Variants in ADGRL3 observed in about 807,000 individuals in gnomAD.
ADGRL3 encodes calcium-independent alpha-latrotoxin receptor 3.
Under a neutral mutation model 153.5 loss-of-function variants are expected in ADGRL3, and 62 were observed. The observed-to-expected ratio is 0.40, with a 90% CI of 0.33 to 0.50. The LOEUF (loss-of-function observed/expected upper bound fraction) is 0.50. ADGRL3 is among the 20% of genes least tolerant of loss of function. The pLI, the probability that ADGRL3 is intolerant of heterozygous loss-of-function variation, is 0.47. For synonymous variants in ADGRL3, 710 were observed against 672.5 expected (o/e 1.06, Z -0.86); for missense variants, 1,641 against 1,859.4 (o/e 0.88, Z 2.16).
rs547086582 is a variant in ADGRL3 at position 61,767,516 on chromosome 4, C to T, written c.1399+33962C>T. Among the ~76,000 whole-genome samples the T allele has an allele frequency of 2.2e-3, 328 of 152,126 alleles. 9 individuals carry two copies. The highest frequency in any genetic ancestry group is 7.5e-3 in the African/African-American group (309 of 41,468). On this transcript the variant is annotated intron_variant, in intron 8 of 26. Transcript: ENST00000683033. ...TGAGAGTTACCCGAAGCTCGGCGTC[C>T]GTGATGGTCTAGGGGGCTTCCGAGG...
At chr4:61,948,373 T>C (rs2098933971) in intron 17 of ADGRL3, 97 bp downstream of exon 17, 1 of 831,308 alleles carries the variant, frequency 1.2e-6, no homozygotes, top group African/African-American at 1.7e-5. Flanking sequence ...TTTCAATGTT[T>C]TCCTACTTTC....
At chr4:61,373,975 A>C (rs1022647924) in intron 1 of ADGRL3, among the ~76,000 whole-genome samples, 2 of 152,196 alleles carry the variant, frequency 1.3e-5, no homozygotes, top group East Asian at 1.9e-4. Context: ...CAAAAGGCAG[A>C]GTAAAATACC....
chr4:61,901,221 C>T (rs1433710045), intron 11 of ADGRL3, among the ~76,000 whole-genome samples: 1 of 152,112 alleles, frequency 6.6e-6, no homozygotes, highest in Non-Finnish European at 1.5e-5. Flanking sequence ...TCTAACAAAC[C>T]AAAGTGTCTC....
At chr4:61,958,664 A>G (rs1004599816) in intron 17 of ADGRL3, among the ~76,000 whole-genome samples, 4 of 152,022 alleles carry the variant, frequency 2.6e-5, no homozygotes, top group Admixed American at 6.6e-5. Context: ...CTTTTAAACT[A>G]TCAAATCTCA....
chr4:61,928,712 A>G (rs954650800), intron 13 of ADGRL3, among the ~76,000 whole-genome samples: 3 of 152,122 alleles, frequency 2.0e-5, no homozygotes, highest in Non-Finnish European at 2.9e-5. Context: ...GAACTCTGTC[A>G]TCTTAACTTC....
In ADGRL3 at chr4:61,426,260, A is replaced by C. The variant is rs144035527; in HGVS notation, c.-174+43071A>C. Among the ~76,000 whole-genome samples, 83 of 152,356 alleles carry C rather than the reference A, an allele frequency of 5.4e-4. 1 individual carries two copies. The East Asian group carries it at 0.014, about 26-fold the overall frequency. ...TGGTAAACTGCCCATCTATTGGTGCAGATTGCCATAGGTGTCTCCTTCTTG... is the reference window on the plus strand; with the variant it reads ...TGGTAAACTGCCCATCTATTGGTGCCGATTGCCATAGGTGTCTCCTTCTTG... On this transcript the variant is annotated intron_variant, in intron 2 of 26. Coordinates refer to ENST00000683033, the MANE Select transcript of ADGRL3 (RefSeq NM_001387552.1).
At chr4:61,412,260 A>T (rs1212131252) in intron 2 of ADGRL3, among the ~76,000 whole-genome samples, 1 of 151,832 alleles carries the variant, frequency 6.6e-6, no homozygotes, top group Admixed American at 6.6e-5. Flanking sequence ...TTTTTAATAA[A>T]TTTTTTTCAT....
chr4:61,455,274 G>A (rs1250866559), intron 2 of ADGRL3, among the ~76,000 whole-genome samples: 9 of 152,148 alleles, frequency 5.9e-5, no homozygotes, highest in Non-Finnish European at 1.2e-4. Flanking sequence ...TAGCATCGAA[G>A]CAGTATGACT....
At chr4:61,841,278 T>G (rs950407756) in intron 9 of ADGRL3, among the ~76,000 whole-genome samples, 3 of 151,334 alleles carry the variant, frequency 2.0e-5, no homozygotes, top group African/African-American at 7.3e-5. Flanking sequence ...TGTTGATCGC[T>G]ACCAGGTTAT....
chr4:61,741,845 G>T (rs1050927835), intron 8 of ADGRL3, among the ~76,000 whole-genome samples: 2 of 152,330 alleles, frequency 1.3e-5, no homozygotes, highest in South Asian at 4.1e-4. Flanking sequence ...ACGCTCTAAC[G>T]TTAGTTGTGT....
chr4:61,754,768 C>G (rs1472114110), intron 8 of ADGRL3, among the ~76,000 whole-genome samples: 1 of 152,144 alleles, frequency 6.6e-6, no homozygotes, highest in Admixed American at 6.6e-5. Flanking sequence ...ATCCTTCCCC[C>G]CTCCCCCCAC....
intron 1 of ADGRL3, among the ~76,000 whole-genome samples, chr4:61,301,999 T>C (rs1454026870): frequency 1.3e-5 from 2 of 152,190 alleles, no homozygotes; most frequent in Non-Finnish European, 2.9e-5. Context: ...TCTATTAAAC[T>C]GGGAATAATT....
At chr4:61,683,480 G>A (rs757794760) in intron 6 of ADGRL3, among the ~76,000 whole-genome samples, 16 of 152,090 alleles carry the variant, frequency 1.1e-4, no homozygotes, top group Non-Finnish European at 1.8e-4. Flanking sequence ...CGTACCTGAA[G>A]ATGAGAAAGT....
chr4:61,615,432 CT>C (rs2091887127), intron 5 of ADGRL3, among the ~76,000 whole-genome samples: 1 of 151,840 alleles, frequency 6.6e-6, no homozygotes, highest in African/African-American at 2.4e-5. Flanking sequence ...AGAAAAACGC[CT>C]TGCAATATTA....
chr4:61,302,717 AG>A (rs1490603042), intron 1 of ADGRL3, among the ~76,000 whole-genome samples: 7 of 152,232 alleles, frequency 4.6e-5, no homozygotes, highest in African/African-American at 1.4e-4. Context: ...ATAACTATAA[AG>A]TAGTGTAATT....
At chr4:61,371,591 A>T (rs1186945488) in intron 1 of ADGRL3, among the ~76,000 whole-genome samples, 1 of 152,124 alleles carries the variant, frequency 6.6e-6, no homozygotes, top group Non-Finnish European at 1.5e-5. Context: ...GGTTTCTGCC[A>T]AGAGATCTGC....
intron 2 of ADGRL3, among the ~76,000 whole-genome samples, chr4:61,481,021 GA>G (rs2152734741): frequency 6.6e-6 from 1 of 152,174 alleles, no homozygotes; most frequent in African/African-American, 2.4e-5. Flanking sequence ...CTTCAATATA[GA>G]AAAATTAAAA....
intron 2 of ADGRL3, among the ~76,000 whole-genome samples, chr4:61,434,347 T>C (rs548880958): frequency 5.3e-5 from 8 of 152,214 alleles, no homozygotes; most frequent in East Asian, 1.9e-4. Context: ...ACCCTTTTGA[T>C]GAACGCTTTC....
intron 6 of ADGRL3, among the ~76,000 whole-genome samples, chr4:61,694,187 T>A (rs1437461770): frequency 2.5e-3 from 31 of 12,486 alleles, no homozygotes; most frequent in African/African-American, 9.7e-3. Context: ...TTATTTTTTT[T>A]TTTTTTTTTT....
Sources: gnomAD v4.1 joint callset for allele counts (sites outside exome capture counted in the v4.1 genomes callset) on GRCh38, gnomAD v4.1.1 for gene constraint, MANE v1.5 for transcripts, NCBI Gene and HGNC (gene_info 2026-07-23, HGNC 2026-07-21) for gene names.